Variants in FRMPD4 observed in about 807,000 individuals in gnomAD.
FRMPD4 encodes the protein FERM and PDZ domain-containing protein 4.
FRMPD4 carries 22 observed loss-of-function variants against 94.1 expected under a neutral mutation model. The ratio of observed to expected loss-of-function variants is 0.23; its 90% CI spans 0.17 to 0.33. The LOEUF (loss-of-function observed/expected upper bound fraction) is 0.33. Among genes scored for constraint, FRMPD4 ranks in the 10% least tolerant of loss-of-function variants. FRMPD4 has a pLI of 1.00. For missense variants in FRMPD4, 1,111 were observed against 1,339.9 expected (o/e 0.83, Z 2.67); for synonymous variants, 631 against 548.6 (o/e 1.15, Z -2.10).
chrX:12,187,870 T>C (rs2056442637), intron 1 of FRMPD4, among the ~76,000 whole-genome samples: 2 of 111,820 alleles, frequency 1.8e-5, no homozygotes, highest in Non-Finnish European at 3.8e-5. Context: ...AGAACGACAC[T>C]GTTCTAGATC....
chrX:11,878,497 A>AT (rs1310741731), intron 3 of FRMPD4, among the ~76,000 whole-genome samples: 2 of 111,870 alleles, frequency 1.8e-5, no homozygotes, highest in Admixed American at 1.9e-4. Context: ...AAAAGTTTTG[A>AT]TTTTTCAACA....
chrX:12,091,692 A>G (rs1442118533), intron 3 of FRMPD4, among the ~76,000 whole-genome samples: 1 of 111,416 alleles, frequency 9.0e-6, no homozygotes, highest in African/African-American at 3.3e-5. Flanking sequence ...GACATTTTTT[A>G]TTTACCACAA....
At chrX:12,573,583 G>A (rs779577610) in intron 2 of FRMPD4, among the ~76,000 whole-genome samples, 1 of 112,155 alleles carries the variant, frequency 8.9e-6, no homozygotes, top group East Asian at 2.8e-4. Flanking sequence ...CCTGACTCCA[G>A]TCCCAGTACA....
At chrX:12,678,977 G>C (rs1002072926) in intron 5 of FRMPD4, among the ~76,000 whole-genome samples, 3 of 112,455 alleles carry the variant, frequency 2.7e-5, no homozygotes, top group African/African-American at 9.7e-5. Flanking sequence ...TGAGGGACCC[G>C]CTTTCCTGCC....
chrX:12,420,753 G>A (rs768733999), intron 1 of FRMPD4, among the ~76,000 whole-genome samples: 6 of 112,261 alleles, frequency 5.3e-5, no homozygotes, highest in Admixed American at 9.4e-5. Context: ...CTGTGATGGC[G>A]TTTGTCAATC....
At chrX:11,964,668 C>T (rs1371701836) in intron 3 of FRMPD4, among the ~76,000 whole-genome samples, 3 of 112,048 alleles carry the variant, frequency 2.7e-5, no homozygotes, top group Non-Finnish European at 5.6e-5. Context: ...GGGTACTAGA[C>T]AATTATTACT....
intron 3 of FRMPD4, among the ~76,000 whole-genome samples, chrX:12,104,428 T>C (rs1021218380): frequency 7.1e-5 from 8 of 112,336 alleles, no homozygotes; most frequent in African/African-American, 2.6e-4. Flanking sequence ...TCCCTCTTCA[T>C]TGAATAGGAA....
chrX:11,950,171 A>T (rs1217503959), intron 3 of FRMPD4, among the ~76,000 whole-genome samples: 7 of 111,158 alleles, frequency 6.3e-5, no homozygotes, highest in Non-Finnish European at 1.3e-4. Context: ...ACTGTCTGGC[A>T]TTTTCCCTGA....
intron 1 of FRMPD4, among the ~76,000 whole-genome samples, chrX:12,201,936 A>G: frequency 9.0e-6 from 1 of 111,237 alleles, no homozygotes; most frequent in African/African-American, 3.3e-5. Context: ...TTGTTTGCCT[A>G]GGTATCAGTT....
chrX:12,524,570 A>G (rs907648683), intron 2 of FRMPD4, among the ~76,000 whole-genome samples: 1 of 112,046 alleles, frequency 8.9e-6, no homozygotes, highest in Non-Finnish European at 1.9e-5. Context: ...GTAAGGAAGC[A>G]GACTCTCCAA....
chrX:12,597,900 A>T (rs182923473), intron 2 of FRMPD4, among the ~76,000 whole-genome samples: 2 of 112,560 alleles, frequency 1.8e-5, no homozygotes, highest in East Asian at 5.6e-4. Flanking sequence ...CTCAGTTGAG[A>T]TAAAAAGAGA....
At chrX:12,529,743 C>T (rs964824851) in intron 2 of FRMPD4, among the ~76,000 whole-genome samples, 3 of 111,447 alleles carry the variant, frequency 2.7e-5, no homozygotes, top group Non-Finnish European at 5.7e-5. Context: ...CATGAAGGAT[C>T]CCCTGACCAG....
At chrX:12,153,839 TTAAATGGTTC>T in intron 1 of FRMPD4, among the ~76,000 whole-genome samples, 1 of 112,641 alleles carries the variant, frequency 8.9e-6, no homozygotes, top group Non-Finnish European at 1.9e-5. Context: ...TTTTACATTT[TTAAATGGTTC>T]CCAAAAATCA....
In FRMPD4 at chrX:12,612,767, A is replaced by G. The variant is rs747827388; in HGVS notation, c.320-2012A>G. Among the ~76,000 whole-genome samples the G allele has an allele frequency of 2.7e-5, 3 of 112,400 alleles. No homozygotes were observed. In the Admixed American group the frequency reaches 2.8e-4, roughly 11 times the overall value. On this transcript the variant is annotated intron_variant, in intron 3 of 16. Coordinates refer to ENST00000675598, the MANE Select transcript of FRMPD4 (RefSeq NM_001368397.1). ...TTTGATCAGCGTTTGATTGCTACCC[A>G]TTTGTTTGACTGAATTTGAGTGATT...
intron 1 of FRMPD4, among the ~76,000 whole-genome samples, chrX:12,251,567 T>C (rs180731578): frequency 8.9e-6 from 1 of 111,875 alleles, no homozygotes; most frequent in Non-Finnish European, 1.9e-5. Flanking sequence ...CTATGAGACA[T>C]TTCCAGGGTT....
intron 3 of FRMPD4, among the ~76,000 whole-genome samples, chrX:12,000,465 G>T (rs2054518878): frequency 1.8e-5 from 2 of 112,181 alleles, no homozygotes; most frequent in South Asian, 3.7e-4. Flanking sequence ...GTATTTAACA[G>T]AAAAAGTTCA....
chrX:12,693,420 T>C (rs1416600300), intron 8 of FRMPD4, among the ~76,000 whole-genome samples: 1 of 112,433 alleles, frequency 8.9e-6, no homozygotes, highest in East Asian at 2.8e-4. Flanking sequence ...GAACTTCTAG[T>C]ATGTGACACA....
rs1237947507 is a variant in FRMPD4, at chrX:12,686,615, G to A, written c.681+411G>A. The stretch of plus-strand genomic sequence containing the variant: ...TGTTAATTGAATATTTGCTACTTTG[G>A]TGTCCAGCAAAAAACAAGGGGTAGA... On this transcript the variant is annotated intron_variant, in intron 7 of 16. Coordinates refer to ENST00000675598, the MANE Select transcript of FRMPD4 (RefSeq NM_001368397.1). Among the ~76,000 whole-genome samples, 20 of 111,670 alleles carry A rather than the reference G, an allele frequency of 1.8e-4. No individual in the cohort carries two copies. In the Admixed American group the frequency reaches 1.9e-3, roughly 11 times the overall value.
At position 11,978,321 on chromosome X, in the gene FRMPD4, C is replaced by CAAAAA. The variant is rs1172824155; in HGVS notation, c.95+100327_95+100331dup. 4.0e-3 allele frequency among the ~76,000 whole-genome samples: 65 copies of CAAAAA among 16,353 alleles called. 5 individuals carry two copies. Among genetic ancestry groups the CAAAAA allele is most frequent in the African/African-American group, 8.1e-3 (36 of 4,451 alleles). 14.2% of individuals were successfully genotyped at this position (16,353 alleles called of 115,157 possible). ...TGGATGACAGAGTGAAACTCCATCT[C>CAAAAA]AAAAAAAAAAAAAAAAAAAAAAAAA... is the stretch of plus-strand genomic sequence containing the variant. On this transcript the variant is annotated intron_variant, in intron 3 of 18. Transcript: ENST00000640291.
Sources: allele counts gnomAD v4.1 joint callset (sites outside exome capture counted in the v4.1 genomes callset), GRCh38; gene constraint gnomAD v4.1.1; transcripts MANE v1.5; gene names NCBI Gene and HGNC (gene_info 2026-07-23, HGNC 2026-07-21).